The following TACR3 variants were observed in gnomAD, a reference collection of about 807,000 sequenced individuals.
TACR3 encodes the protein tachykinin receptor 3.
In TACR3, 34 loss-of-function variants were observed where a neutral mutation model predicts 35.0. That is an observed-to-expected ratio of 0.97 (90% CI 0.74 to 1.30). The LOEUF (loss-of-function observed/expected upper bound fraction) is 1.30, where lower values mean the gene tolerates loss of function less well. Ranked by LOEUF, TACR3 falls within the 50% of genes most tolerant of loss-of-function variation. The pLI, the probability that TACR3 is intolerant of heterozygous loss-of-function variation, is 0.00. For missense variants in TACR3, 558 were observed against 591.7 expected (o/e 0.94, Z 0.59); for synonymous variants, 233 against 221.1 (o/e 1.05, Z -0.48).
intron 1 of TACR3, among the ~76,000 whole-genome samples, chr4:103,699,410 T>C (rs1722596823): frequency 2.0e-5 from 3 of 152,118 alleles, no homozygotes. Context: ...GACCAGCTAG[T>C]CTAAATTCTT....
In TACR3 at chr4:103,690,551, G is replaced by A. The variant is rs77966073; in HGVS notation, c.548+28577C>T. On this transcript the variant is annotated intron_variant, in intron 1 of 4. Transcript: ENST00000304883. ...CAATTCAATAAGAATAGTTATAGAC[G>A]TCAATAAACCACTTTTACTAATAGA... Among the ~76,000 whole-genome samples, 392 of 152,096 alleles carry A rather than the reference G, an allele frequency of 2.6e-3. 5 individuals carry two copies. Among genetic ancestry groups the A allele is most frequent in the African/African-American group, 8.9e-3 (371 of 41,530 alleles).
intron 1 of TACR3, among the ~76,000 whole-genome samples, chr4:103,709,120 C>A (rs1053113765): frequency 6.6e-6 from 1 of 152,116 alleles, no homozygotes; most frequent in African/African-American, 2.4e-5. Flanking sequence ...AACCTACCAA[C>A]GCAGGCCAAC....
At chr4:103,682,448 G>A (rs2110210219) in intron 1 of TACR3, among the ~76,000 whole-genome samples, 1 of 152,254 alleles carries the variant, frequency 6.6e-6, no homozygotes, top group South Asian at 2.1e-4. Flanking sequence ...GACTGAGCAA[G>A]AGTGGGGAAA....
At chr4:103,669,867 T>C (rs1390020584) in intron 1 of TACR3, among the ~76,000 whole-genome samples, 3 of 152,070 alleles carry the variant, frequency 2.0e-5, no homozygotes, top group Non-Finnish European at 4.4e-5. Flanking sequence ...TGTGCTTTTG[T>C]GGTCTTATTC....
chr4:103,615,755 T>G (rs1428302389), intron 3 of TACR3, among the ~76,000 whole-genome samples: 3 of 152,170 alleles, frequency 2.0e-5, no homozygotes, highest in African/African-American at 7.2e-5. Flanking sequence ...AGTAAAAAAG[T>G]ACACAGACTC....
At chr4:103,649,602 T>C (rs1212577109) in intron 3 of TACR3, among the ~76,000 whole-genome samples, 1 of 152,120 alleles carries the variant, frequency 6.6e-6, no homozygotes. Context: ...TTCTTTCTTC[T>C]GTTTGATCAA....
intron 3 of TACR3, among the ~76,000 whole-genome samples, chr4:103,642,396 ATTAT>A (rs1398827701): frequency 6.6e-6 from 1 of 151,834 alleles, no homozygotes; most frequent in Non-Finnish European, 1.5e-5. Flanking sequence ...GCAAATTATT[ATTAT>A]TTGTCTATTA....
At chr4:103,632,612 C>CCTAGGTAA (rs1560815298) in intron 3 of TACR3, among the ~76,000 whole-genome samples, 1 of 150,310 alleles carries the variant, frequency 6.7e-6, no homozygotes, top group Non-Finnish European at 1.5e-5. Context: ...CACACGTATA[C>CCTAGGTAA]CTAGGTAACA....
At chr4:103,622,131 T>A (rs1028938493) in intron 3 of TACR3, among the ~76,000 whole-genome samples, 1 of 152,166 alleles carries the variant, frequency 6.6e-6, no homozygotes, top group African/African-American at 2.4e-5. Flanking sequence ...TCCTTCAGTC[T>A]AGCCAAGGAC....
intron 1 of TACR3, among the ~76,000 whole-genome samples, chr4:103,659,947 T>G (rs966086054): frequency 1.3e-5 from 2 of 152,170 alleles, no homozygotes; most frequent in Admixed American, 1.3e-4. Flanking sequence ...TTGTTTCAAT[T>G]CTACTTTTGG....
At chr4:103,637,159 C>A (rs566622169) in intron 3 of TACR3, among the ~76,000 whole-genome samples, 1 of 152,276 alleles carries the variant, frequency 6.6e-6, no homozygotes, top group Non-Finnish European at 1.5e-5. Flanking sequence ...AGACCAATAT[C>A]CTTGATGAAC....
intron 3 of TACR3, among the ~76,000 whole-genome samples, chr4:103,647,963 G>A (rs955450376): frequency 1.3e-5 from 2 of 151,906 alleles, no homozygotes; most frequent in Non-Finnish European, 2.9e-5. Context: ...TATTTCTACT[G>A]GCTATACTTC....
chr4:103,630,694 G>A (rs537053568), intron 3 of TACR3, among the ~76,000 whole-genome samples: 118 of 152,234 alleles, frequency 7.8e-4, no homozygotes, highest in African/African-American at 2.6e-3. Context: ...GATGCTGGAG[G>A]AGATGTGGAG....
chr4:103,712,923 A>T (rs1229904458), intron 1 of TACR3, among the ~76,000 whole-genome samples: 1 of 152,208 alleles, frequency 6.6e-6, no homozygotes, highest in East Asian at 1.9e-4. Flanking sequence ...AACCACAATG[A>T]CATACCATCT....
intron 3 of TACR3, among the ~76,000 whole-genome samples, chr4:103,601,811 G>C (rs11097819): frequency 2.6e-3 from 395 of 152,118 alleles, no homozygotes; most frequent in African/African-American, 7.0e-3. Context: ...CTCTGGCTGC[G>C]CTTAACATTT....
intron 1 of TACR3, among the ~76,000 whole-genome samples, chr4:103,707,852 A>G (rs1404862758): frequency 1.3e-5 from 2 of 152,176 alleles, no homozygotes; most frequent in African/African-American, 2.4e-5. Context: ...CCAGGAGATT[A>G]TATCCTGCGC....
At chr4:103,594,494 T>G (rs1468847350) in intron 3 of TACR3, among the ~76,000 whole-genome samples, 3 of 152,138 alleles carry the variant, frequency 2.0e-5, no homozygotes, top group African/African-American at 7.2e-5. Context: ...ATTATTTTCA[T>G]GGGGCACATG....
At chr4:103,645,854 A>G (rs3796965) in intron 3 of TACR3, among the ~76,000 whole-genome samples, 54,928 of 151,584 alleles carry the variant, frequency 0.36, 10,577 homozygotes, top group African/African-American at 0.5. Flanking sequence ...CAGCAAACGG[A>G]GCATAATAAA....
intron 3 of TACR3, among the ~76,000 whole-genome samples, chr4:103,650,677 T>TCTTA (rs374909113): frequency 1.3e-4 from 2 of 15,898 alleles, no homozygotes; most frequent in Admixed American, 3.3e-3. Flanking sequence ...TAAATATATA[T>TCTTA]TATATCATAT....
Sources: allele counts gnomAD v4.1 joint callset (sites outside exome capture counted in the v4.1 genomes callset), GRCh38; gene constraint gnomAD v4.1.1; transcripts MANE v1.5; gene names NCBI Gene and HGNC (gene_info 2026-07-23, HGNC 2026-07-21).